Variants in BBS7 observed in about 807,000 individuals in gnomAD.
BBS7 encodes the protein Bardet-Biedl syndrome 7.
Under a neutral mutation model 90.3 loss-of-function variants are expected in BBS7, and 50 were observed. The observed-to-expected ratio is 0.55, with a 90% CI of 0.44 to 0.70. The LOEUF (loss-of-function observed/expected upper bound fraction) is 0.70. Ranked by LOEUF, BBS7 falls within the 30% of genes least tolerant of loss-of-function variation. BBS7 has a pLI of 0.00. For synonymous variants in BBS7, 235 were observed against 287.4 expected, an observed-to-expected ratio of 0.82 and a Z score of 1.85; for missense variants, 729 against 838.9, an observed-to-expected ratio of 0.87 and a Z score of 1.62.
In BBS7 at chr4:121,848,921, GACA is replaced by G; in HGVS notation, c.854_856del (p.Leu285del). ...ACCCTGGATAGATGTGACGCTTTCAGACAACATCTAAAAAAGTTTAAGACCAAG... is the reference window on the plus strand; with the variant it reads ...ACCCTGGATAGATGTGACGCTTTCAGACATCTAAAAAAGTTTAAGACCAAG... On this transcript the variant is annotated inframe_deletion, in exon 9 of 19. Coordinates refer to ENST00000264499, the MANE Select transcript of BBS7 (RefSeq NM_176824.3). The G allele has an allele frequency of 6.2e-7, 1 of 1,613,538 alleles. No homozygotes were observed.
chr4:121,858,750 A>C (rs1167199150), intron 5 of BBS7: 1 of 438,110 alleles, frequency 2.3e-6, no homozygotes, highest in African/African-American at 2.0e-5. Flanking sequence ...AATAGCTCAG[A>C]AATTGTGTAT....
chr4:121,830,221 G>A (rs1458558838), intron 15 of BBS7, among the ~76,000 whole-genome samples: 1 of 152,130 alleles, frequency 6.6e-6, no homozygotes, highest in Non-Finnish European at 1.5e-5. Context: ...GGCCAACATG[G>A]TGAGACCCGT....
chr4:121,837,582 A>C (rs1429192924), intron 13 of BBS7, among the ~76,000 whole-genome samples: 2 of 152,140 alleles, frequency 1.3e-5, no homozygotes, highest in Non-Finnish European at 2.9e-5. Context: ...AAATTCCCAT[A>C]AATGTGAAAT....
chr4:121,847,414 A>C lies in BBS7; in HGVS notation c.1027T>G (p.Ser343Ala). 1 of 1,610,348 alleles carries C rather than the reference A, an allele frequency of 6.2e-7. No homozygotes were observed. The highest frequency in any genetic ancestry group is 8.5e-7 in the Non-Finnish European group (1 of 1,176,888). ...AAAACTCAAAGTTACCGTAAGGAAG[A>C]AATTTTATTCTGCATCTCCTGATTA... ...KINQEMQNKISSLRNELEHLQ... is the reference protein window; with the variant it reads ...KINQEMQNKIASLRNELEHLQ... Residue 343 changes from serine (S) to alanine (A), a missense_variant, in exon 10 of 19, where the codon TCT becomes GCT. Ser to Ala is a moderately conservative substitution (Grantham distance 99). Transcript: ENST00000264499.
intron 11 of BBS7, 114 bp from the exon 12 acceptor site, chr4:121,844,115 TGA>T (rs1389887878): frequency 5.9e-6 from 4 of 673,924 alleles, no homozygotes; most frequent in Non-Finnish European, 1.0e-5. Context: ...TCTTTAAATT[TGA>T]GAGTATGAAT....
intron 8 of BBS7, among the ~76,000 whole-genome samples, chr4:121,850,963 G>A (rs185552259): frequency 9.3e-4 from 142 of 152,216 alleles, no homozygotes; most frequent in African/African-American, 3.2e-3. Flanking sequence ...TCAAATATCC[G>A]CATTTTTAAC....
chr4:121,865,994 T>C (rs141191459), intron 2 of BBS7, among the ~76,000 whole-genome samples: 1 of 152,342 alleles, frequency 6.6e-6, no homozygotes, highest in East Asian at 1.9e-4. Context: ...TATTTTTTCA[T>C]GTTTTTTTGG....
intron 6 of BBS7, among the ~76,000 whole-genome samples, chr4:121,855,262 T>G (rs1012699092): frequency 6.6e-6 from 1 of 152,038 alleles, no homozygotes; most frequent in Admixed American, 6.6e-5. Context: ...GAGCTGAGAT[T>G]GTACCACTGC....
chr4:121,851,979 A>G (rs1378785555), intron 8 of BBS7, among the ~76,000 whole-genome samples: 1 of 152,220 alleles, frequency 6.6e-6, no homozygotes, highest in Non-Finnish European at 1.5e-5. Flanking sequence ...TGAATAGGAA[A>G]GTTTCTCAAA....
At chr4:121,870,246 A>G in intron 1 of BBS7, 32 bp downstream of exon 1, 2 of 1,613,550 alleles carry the variant, frequency 1.2e-6, no homozygotes, top group Non-Finnish European at 1.7e-6. Flanking sequence ...GGGCTTGCCC[A>G]GCGCGGCGCC....
intron 4 of BBS7, chr4:121,861,299 A>T: frequency 2.1e-6 from 1 of 480,212 alleles, no homozygotes; most frequent in South Asian, 3.1e-5. Flanking sequence ...AAATGATTGT[A>T]TAAATACTAT....
At chr4:121,836,007 T>C (rs940091194) in intron 13 of BBS7, among the ~76,000 whole-genome samples, 4 of 152,200 alleles carry the variant, frequency 2.6e-5, no homozygotes, top group Non-Finnish European at 5.9e-5. Flanking sequence ...ATAGCTGTTA[T>C]TATAAAAATC....
intron 2 of BBS7, among the ~76,000 whole-genome samples, chr4:121,865,736 T>C (rs570828463): frequency 6.6e-6 from 1 of 152,210 alleles, no homozygotes; most frequent in Non-Finnish European, 1.5e-5. Context: ...TTCCCAGCAG[T>C]GGGGTTGCTA....
rs1003833738 is a variant in BBS7, at chr4:121,845,669, C to G, written c.1065G>C (p.Lys355Asn). Residue 355 changes from lysine (K) to asparagine (N), a missense_variant, in exon 11 of 19, where the codon AAG (lysine) becomes AAC (asparagine). Physicochemically the swap from Lys to Asn is moderately conservative, Grantham distance 94. Coordinates refer to ENST00000264499, the MANE Select transcript of BBS7 (RefSeq NM_176824.3). ...LRNELEHLQY[K>N]VLQERENYQQ... ...GATAATTCTCTCTTTCCTGCAATACCTTATACTGCAAATGTTCCAACTCAT... is the reference window on the plus strand; with the variant it reads ...GATAATTCTCTCTTTCCTGCAATACGTTATACTGCAAATGTTCCAACTCAT... 2 of 1,612,902 alleles carry G rather than the reference C, an allele frequency of 1.2e-6. No homozygotes were observed. The highest frequency in any genetic ancestry group is 1.3e-5 in the African/African-American group (1 of 74,874).
intron 4 of BBS7, 70 bp from the exon 5 acceptor site, chr4:121,859,248 G>GA: frequency 7.6e-7 from 1 of 1,314,422 alleles, no homozygotes. Flanking sequence ...GATAAAAACA[G>GA]AAAAATGTAT....
chr4:121,850,146 T>C (rs576343123), intron 8 of BBS7, among the ~76,000 whole-genome samples: 1 of 151,984 alleles, frequency 6.6e-6, no homozygotes, highest in South Asian at 2.1e-4. Flanking sequence ...AAAATAATTG[T>C]AGGGAGCTGG....
intron 15 of BBS7, among the ~76,000 whole-genome samples, chr4:121,829,554 G>A (rs181476249): frequency 3.3e-5 from 5 of 152,240 alleles, no homozygotes; most frequent in East Asian, 1.9e-4. Context: ...CACCACGCCC[G>A]GCCAGGATCG....
intron 12 of BBS7, 143 bp from the exon 13 acceptor site, chr4:121,839,839 C>G: frequency 4.3e-6 from 3 of 691,356 alleles, no homozygotes; most frequent in Non-Finnish European, 7.5e-6. Context: ...CTAACTTACA[C>G]TTACAAAAAC....
Position 121,827,752 on chromosome 4 carries a change from G to T in BBS7, c.2014+394C>A, listed in dbSNP as rs537146015. ...TACTGTATATCCTTTATTAAATTTT[G>T]CCTTAAAAATTTTAAATGCTGCATT... On this transcript the variant is annotated intron_variant, in intron 18 of 18. Transcript: ENST00000264499. 1.8e-5 allele frequency: 17 copies of T among 920,548 alleles called. 1 individual carries two copies. The South Asian group carries it at 7.7e-4, about 42-fold the overall frequency. The allele number at this position is 920,548 out of a possible 1,614,324, so 57.0% of individuals were successfully genotyped here. A position where few individuals can be genotyped will look rare whatever the true frequency, so the allele number is the denominator to read the frequency against.
Sources: allele counts gnomAD v4.1 joint callset (sites outside exome capture counted in the v4.1 genomes callset), GRCh38; gene constraint gnomAD v4.1.1; transcripts MANE v1.5; gene names NCBI Gene and HGNC (gene_info 2026-07-23, HGNC 2026-07-21).